Variants in CERS1 observed in about 807,000 individuals in gnomAD.
CERS1 encodes the protein ceramide synthase 1.
In CERS1, 16 loss-of-function variants were observed where a neutral mutation model predicts 35.7. The ratio of observed to expected loss-of-function variants is 0.45; its 90% confidence interval spans 0.30 to 0.68. The LOEUF (loss-of-function observed/expected upper bound fraction) is 0.68, where lower values mean the gene tolerates loss of function less well. CERS1 is among the 30% of genes least tolerant of loss of function. CERS1 has a pLI of 0.08. For missense variants in CERS1, 454 were observed against 453.9 expected, an observed-to-expected ratio of 1.00 and a Z score of 0.00; for synonymous variants, 243 against 201.6, an observed-to-expected ratio of 1.21 and a Z score of -1.74.
chr19:18,892,851 G>C (rs952294586), intron 2 of CERS1, among the ~76,000 whole-genome samples: 2 of 152,132 alleles, frequency 1.3e-5, no homozygotes, highest in African/African-American at 2.4e-5. Flanking sequence ...TTGTCTTGGG[G>C]CTGGCTTAAC....
At position 18,868,898 on chromosome 19, in the gene CERS1, T is replaced by C; in HGVS notation, c.*1087A>G. The C allele has an allele frequency of 7.1e-7, 1 of 1,410,890 alleles. No individual in the cohort carries two copies. Among genetic ancestry groups the C allele is most frequent in the Non-Finnish European group, 9.3e-7 (1 of 1,074,300 alleles). 87.4% of individuals were successfully genotyped at this position (1,410,890 alleles called of 1,614,324 possible). On this transcript the variant is annotated 3_prime_UTR_variant, in exon 8 of 8. Transcript: ENST00000623882. ...CCAGCCCACCTCGCGGAAGCTCACG[T>C]ACAGCCGCCGCGCGCGACAAGCGCC...
rs573722027 is a variant in CERS1 at position 18,895,465 on chromosome 19, G to A, written c.249+359C>T. ...GTGGCCGGAGCCATCCACCGCGCGG[G>A]GCCCCCTGGTCCCAAACTGACCGGA... On this transcript the variant is annotated intron_variant, in intron 1 of 7. Coordinates refer to ENST00000623882, the MANE Select transcript of CERS1 (RefSeq NM_021267.5). This position sits in a 1 kb window ranked among gnomAD's most constrained non-coding sequence, Gnocchi z 6.4. Among the ~76,000 whole-genome samples the A allele has an allele frequency of 2.2e-3, 327 of 151,408 alleles. No homozygotes were observed. Among genetic ancestry groups the A allele is most frequent in the African/African-American group, 7.6e-3 (314 of 41,182 alleles).
chr19:18,889,719 C>T (rs1035223964), intron 2 of CERS1, among the ~76,000 whole-genome samples: 13 of 152,202 alleles, frequency 8.5e-5, no homozygotes, highest in South Asian at 2.1e-4. Context: ...AGTGAGTCAC[C>T]GCACCTGGCC....
chr19:18,892,456 T>C (rs1028641934), intron 2 of CERS1, among the ~76,000 whole-genome samples: 6 of 151,636 alleles, frequency 4.0e-5, no homozygotes, highest in Non-Finnish European at 7.4e-5. Flanking sequence ...CTACTAAAAA[T>C]ACAAAAAATT....
rs1275526814 is a variant in CERS1 at position 18,869,370 on chromosome 19, C to T, written c.*615G>A. ...CAATGCCCCGCGGCCGAGGCAGGCT[C>T]CGAGGCCCGGGTGGGCGCACCTGGG... On this transcript the variant is annotated 3_prime_UTR_variant, in exon 8 of 8. Transcript: ENST00000623882. The T allele has an allele frequency of 5.9e-6, 9 of 1,530,306 alleles. No homozygotes were observed. Among genetic ancestry groups the T allele is most frequent in the East Asian group, 5.0e-5 (2 of 40,282 alleles). 94.8% of individuals were successfully genotyped at this position (1,530,306 alleles called of 1,614,324 possible).
chr19:18,891,046 C>T (rs2056477908), intron 2 of CERS1, among the ~76,000 whole-genome samples: 1 of 151,886 alleles, frequency 6.6e-6, no homozygotes, highest in Non-Finnish European at 1.5e-5. Flanking sequence ...ATCGCTTGAA[C>T]CTGGGAGGTG....
intron 1 of CERS1, among the ~76,000 whole-genome samples, chr19:18,894,492 C>G (rs1328804011): frequency 6.6e-6 from 1 of 152,082 alleles, no homozygotes; most frequent in Non-Finnish European, 1.5e-5. Context: ...CGAAATGGGG[C>G]GAGCACCCCA....
At chr19:18,875,274 G>A (rs951510674) in intron 6 of CERS1, among the ~76,000 whole-genome samples, 8 of 150,238 alleles carry the variant, frequency 5.3e-5, no homozygotes, top group African/African-American at 1.5e-4. Flanking sequence ...GGCTGGGCGC[G>A]GTGGCTCACG....
At chr19:18,888,146 G>A (rs2056404803) in intron 2 of CERS1, among the ~76,000 whole-genome samples, 1 of 151,882 alleles carries the variant, frequency 6.6e-6, no homozygotes, top group Admixed American at 6.6e-5. Flanking sequence ...GATCACTTGA[G>A]GTCAGAAGTT....
At chr19:18,882,614 G>A (rs2056240130) in intron 3 of CERS1, among the ~76,000 whole-genome samples, 1 of 151,212 alleles carries the variant, frequency 6.6e-6, no homozygotes, top group Admixed American at 6.6e-5. Context: ...TCCAGCCTGG[G>A]CGACAGAGCG....
intron 6 of CERS1, among the ~76,000 whole-genome samples, chr19:18,874,074 T>C (rs1191700264): frequency 1.3e-5 from 2 of 152,054 alleles, no homozygotes; most frequent in African/African-American, 2.4e-5. Flanking sequence ...TGGGTTGAAA[T>C]GTCCTTGAAT....
intron 6 of CERS1, among the ~76,000 whole-genome samples, chr19:18,875,871 G>A (rs1416252001): frequency 1.3e-5 from 2 of 152,248 alleles, no homozygotes; most frequent in Non-Finnish European, 2.9e-5. Flanking sequence ...GGAGCCACCA[G>A]AAGCCCAAGA....
chr19:18,890,249 C>T (rs961891848), intron 2 of CERS1, among the ~76,000 whole-genome samples: 1 of 152,208 alleles, frequency 6.6e-6, no homozygotes, highest in East Asian at 1.9e-4. Flanking sequence ...CTGCCCCTCC[C>T]CACCTCCCCA....
Position 18,878,020 on chromosome 19 carries a change from C to T in CERS1, c.1010+910G>A, listed in dbSNP as rs2056094670. The T allele has an allele frequency of 2.0e-6, 2 of 985,420 alleles. No homozygotes were observed. Among genetic ancestry groups the T allele is most frequent in the Non-Finnish European group, 2.4e-6 (2 of 829,988 alleles). 61.0% of individuals were successfully genotyped at this position (985,420 alleles called of 1,614,324 possible). On this transcript the variant is annotated intron_variant, in intron 6 of 7. Coordinates refer to ENST00000623882, the MANE Select transcript of CERS1 (RefSeq NM_021267.5). This position sits in a 1 kb window ranked among gnomAD's most constrained non-coding sequence, Gnocchi z 4.6. ...GGTCTGACGCTCCTCTGCCTGGCTACAGCCCCGGATGTGTTAAATGTCTGC... is the reference window on the plus strand; with the variant it reads ...GGTCTGACGCTCCTCTGCCTGGCTATAGCCCCGGATGTGTTAAATGTCTGC...
In CERS1 at chr19:18,868,700, G is replaced by A; in HGVS notation, c.*1285C>T. 1.3e-6 allele frequency: 2 copies of A among 1,556,108 alleles called. No homozygotes were observed. Among genetic ancestry groups the A allele is most frequent in the Non-Finnish European group, 1.7e-6 (2 of 1,149,972 alleles). On this transcript the variant is annotated 3_prime_UTR_variant, in exon 8 of 8. Transcript: ENST00000623882. ...CACGGAGATGGGCGACAGGCGCGCGGGCACGCAGCAGGGCAGGTCGGCGGC... is the reference window on the plus strand; with the variant it reads ...CACGGAGATGGGCGACAGGCGCGCGAGCACGCAGCAGGGCAGGTCGGCGGC...
chr19:18,880,149 T>G, intron 4 of CERS1, 125 bp downstream of exon 4: 5 of 639,274 alleles, frequency 7.8e-6, no homozygotes, highest in East Asian at 4.6e-5. Context: ...GCCCCTCCCC[T>G]GTCATGCCAC....
At chr19:18,881,713 A>G (rs1047200079) in intron 3 of CERS1, 13 of 152,306 alleles carry the variant, frequency 8.5e-5, no homozygotes, top group African/African-American at 3.1e-4. Context: ...TGCTGTCCCC[A>G]TGACCCAGCA....
At chr19:18,879,434 C>T (rs771988771) in intron 4 of CERS1, 46 bp from the exon 5 acceptor site, 12 of 1,543,872 alleles carry the variant, frequency 7.8e-6, no homozygotes, top group Non-Finnish European at 8.7e-6. Flanking sequence ...GGGGACGGTG[C>T]CCTACCCAGT....
chr19:18,871,682 C>G (rs1037128246), intron 6 of CERS1, among the ~76,000 whole-genome samples: 8 of 152,238 alleles, frequency 5.3e-5, no homozygotes, highest in African/African-American at 1.9e-4. Context: ...TTCTCTTAGG[C>G]TGAAGCTCAG....
Sources: allele counts gnomAD v4.1 joint callset (sites outside exome capture counted in the v4.1 genomes callset), GRCh38; gene constraint gnomAD v4.1.1; non-coding constraint Gnocchi (gnomAD v3.1); transcripts MANE v1.5; gene names NCBI Gene and HGNC (gene_info 2026-07-23, HGNC 2026-07-21).